The following NPLOC4 variants were observed in gnomAD, a reference collection of about 807,000 sequenced individuals.
NPLOC4 encodes NPL4 homolog, ubiquitin recognition factor.
Under a neutral mutation model 80.6 loss-of-function variants are expected in NPLOC4, and 18 were observed. The observed-to-expected ratio is 0.22, with a 90% CI of 0.15 to 0.33. NPLOC4 has a LOEUF of 0.33. Ranked by LOEUF, NPLOC4 falls within the 10% of genes least tolerant of loss-of-function variation. The pLI is 1.00. For missense variants in NPLOC4, 540 were observed against 786.1 expected (o/e 0.69, Z 3.74); for synonymous variants, 313 against 301.5 (o/e 1.04, Z -0.39).
chr17:81,603,881 C>T (rs2035131013), intron 8 of NPLOC4, among the ~76,000 whole-genome samples: 1 of 152,178 alleles, frequency 6.6e-6, no homozygotes, highest in South Asian at 2.1e-4. Flanking sequence ...AAATACACTA[C>T]ATCATTATAC....
Position 81,569,129 on chromosome 17 carries a change from A to G in NPLOC4, c.1354-18T>C, listed in dbSNP as rs781525701. On this transcript the variant is annotated intron_variant, in intron 13 of 16. Coordinates refer to ENST00000331134, the MANE Select transcript of NPLOC4 (RefSeq NM_017921.4). ...GTTGTGATCTAATGAAGAAAAACACAAACCCATGATAAATGAGGCTGAAAA... is the reference window on the plus strand; with the variant it reads ...GTTGTGATCTAATGAAGAAAAACACGAACCCATGATAAATGAGGCTGAAAA... 6.5e-7 allele frequency: 1 copy of G among 1,549,448 alleles called. No individual in the cohort carries two copies. Among genetic ancestry groups the G allele is most frequent in the Non-Finnish European group, 8.9e-7 (1 of 1,121,352 alleles).
intron 2 of NPLOC4, among the ~76,000 whole-genome samples, chr17:81,628,774 T>TA (rs970048803): frequency 8.0e-4 from 121 of 151,936 alleles, no homozygotes; most frequent in African/African-American, 2.6e-3. Flanking sequence ...TGTGATTGGT[T>TA]AAAAAAAGAA....
intron 7 of NPLOC4, among the ~76,000 whole-genome samples, chr17:81,605,286 AAAAAAAT>A (rs1396374004): frequency 2.5e-5 from 3 of 120,452 alleles, no homozygotes; most frequent in Admixed American, 1.6e-4. Context: ...ATCTCAAAAA[AAAAAAAT>A]AAATAATAAT....
intron 9 of NPLOC4, among the ~76,000 whole-genome samples, chr17:81,599,265 G>A (rs191225756): frequency 6.1e-4 from 92 of 151,416 alleles, no homozygotes; most frequent in Admixed American, 2.6e-3. Context: ...CTCCAGCCTG[G>A]GTGAAAGAGC....
chr17:81,585,170 C>CCA (rs2034541975), intron 12 of NPLOC4, among the ~76,000 whole-genome samples: 1 of 40,884 alleles, frequency 2.4e-5, no homozygotes, highest in Non-Finnish European at 3.7e-5. Flanking sequence ...ACTCTGTCGC[C>CCA]AAAAAAAAAA....
intron 12 of NPLOC4, among the ~76,000 whole-genome samples, chr17:81,581,537 C>T (rs931039529): frequency 5.3e-5 from 8 of 152,096 alleles, no homozygotes; most frequent in East Asian, 1.9e-4. Flanking sequence ...GGCATAGGTG[C>T]GAGCAGTGAG....
intron 12 of NPLOC4, among the ~76,000 whole-genome samples, chr17:81,581,385 A>AGTCAGTT (rs2034437930): frequency 6.8e-6 from 1 of 147,188 alleles, no homozygotes; most frequent in Non-Finnish European, 1.5e-5. Flanking sequence ...AAGTTAATAA[A>AGTCAGTT]ATCACCATGT....
At chr17:81,592,713 G>C (rs2034782525) in intron 11 of NPLOC4, among the ~76,000 whole-genome samples, 1 of 152,210 alleles carries the variant, frequency 6.6e-6, no homozygotes, top group South Asian at 2.1e-4. Flanking sequence ...ACTGGGCACA[G>C]TGGCTCACAC....
chr17:81,584,945 T>C (rs1041780501), intron 12 of NPLOC4, among the ~76,000 whole-genome samples: 5 of 151,956 alleles, frequency 3.3e-5, no homozygotes, highest in African/African-American at 1.2e-4. Context: ...GGTGGGCAGA[T>C]TGCCTGCTGA....
intron 16 of NPLOC4, chr17:81,564,118 A>ACACACACAGACACACAC: frequency 3.1e-6 from 1 of 323,730 alleles, no homozygotes; most frequent in South Asian, 2.2e-5. Flanking sequence ...ACACACACAC[A>ACACACACAGACACACAC]AAGAGCAGGG....
At chr17:81,617,558 C>T (rs1029504287) in intron 3 of NPLOC4, among the ~76,000 whole-genome samples, 1 of 152,106 alleles carries the variant, frequency 6.6e-6, no homozygotes, top group Non-Finnish European at 1.5e-5. Context: ...GCCTGTAATC[C>T]CAGCACTTTG....
At chr17:81,599,627 A>G (rs2035012987) in intron 9 of NPLOC4, among the ~76,000 whole-genome samples, 1 of 152,196 alleles carries the variant, frequency 6.6e-6, no homozygotes, top group Non-Finnish European at 1.5e-5. Context: ...GTCTGAGTTG[A>G]TTAGGAAATA....
intron 7 of NPLOC4, 59 bp downstream of exon 7, chr17:81,606,632 C>A: frequency 6.3e-7 from 1 of 1,577,962 alleles, no homozygotes; most frequent in South Asian, 1.1e-5. Flanking sequence ...AGGGGCTCTT[C>A]TGGAAATATC....
At chr17:81,635,201 T>A (rs1436098572) in intron 1 of NPLOC4, among the ~76,000 whole-genome samples, 1 of 151,462 alleles carries the variant, frequency 6.6e-6, no homozygotes, top group East Asian at 2.0e-4. Context: ...ACATCAGCCA[T>A]GCGTGTTGGC....
chr17:81,559,727 CTTTT>C (rs11335414), intron 16 of NPLOC4, among the ~76,000 whole-genome samples: 6 of 95,710 alleles, frequency 6.3e-5, no homozygotes, highest in East Asian at 3.2e-4. Context: ...TTGTTTCCAG[CTTTT>C]TTTTTTTTTT....
chr17:81,629,911 A>C, intron 1 of NPLOC4, 106 bp from the exon 2 acceptor site: 1 of 789,208 alleles, frequency 1.3e-6, no homozygotes, highest in Non-Finnish European at 2.2e-6. Flanking sequence ...CTGAAAATTA[A>C]AGCCAAACCT....
intron 11 of NPLOC4, among the ~76,000 whole-genome samples, chr17:81,589,433 G>A (rs1173573509): frequency 6.6e-6 from 1 of 151,938 alleles, no homozygotes; most frequent in Non-Finnish European, 1.5e-5. Flanking sequence ...GGAGGCTGAG[G>A]CAGGAGAATG....
chr17:81,635,089 C>G (rs1371821549), intron 1 of NPLOC4, among the ~76,000 whole-genome samples: 1 of 151,784 alleles, frequency 6.6e-6, no homozygotes, highest in African/African-American at 2.4e-5. Context: ...TGCCTGTAAT[C>G]CCAGCATTTT....
At chr17:81,629,592 TAGAG>T (rs912858572) in intron 2 of NPLOC4, 129 bp downstream of exon 2, 2 of 680,680 alleles carry the variant, frequency 2.9e-6, no homozygotes, top group African/African-American at 3.6e-5. Flanking sequence ...CCAACTGTGA[TAGAG>T]AAAGGCAATG....
Sources: gnomAD v4.1 joint callset for allele counts (sites outside exome capture counted in the v4.1 genomes callset) on GRCh38, gnomAD v4.1.1 for gene constraint, MANE v1.5 for transcripts, NCBI Gene and HGNC (gene_info 2026-07-23, HGNC 2026-07-21) for gene names.